Variants in RSPO2 observed in about 807,000 individuals in gnomAD.
The protein encoded by RSPO2 is R-spondin 2, also known as R-spondin-2.
Under a neutral mutation model 30.9 loss-of-function variants are expected in RSPO2, and 14 were observed. The observed-to-expected ratio is 0.45, with a 90% CI of 0.30 to 0.71. The LOEUF is 0.71. Among genes scored for constraint, RSPO2 ranks in the 30% least tolerant of loss-of-function variants. The pLI is 0.08. For synonymous variants in RSPO2, 107 were observed against 96.4 expected (o/e 1.11, Z -0.64); for missense variants, 264 against 301.9 (o/e 0.87, Z 0.93).
chr8:107,963,065 C>T (rs910283816), intron 3 of RSPO2, among the ~76,000 whole-genome samples: 5 of 151,996 alleles, frequency 3.3e-5, no homozygotes, highest in East Asian at 3.9e-4. Flanking sequence ...TCTGTAAAGT[C>T]CCTGAGGACT....
intron 3 of RSPO2, chr8:107,983,327 T>A (rs1411280427): frequency 1.9e-5 from 31 of 1,609,326 alleles, no homozygotes; most frequent in Middle Eastern, 2.3e-4. Flanking sequence ...CTCCTCCTCA[T>A]CCAAGAGAGA....
chr8:107,927,951 G>A (rs1298983662), intron 5 of RSPO2, among the ~76,000 whole-genome samples: 1 of 151,984 alleles, frequency 6.6e-6, no homozygotes, highest in Non-Finnish European at 1.5e-5. Flanking sequence ...TACACCAATG[G>A]TAACTAGCAA....
At chr8:107,974,783 A>T (rs1044682572) in intron 3 of RSPO2, among the ~76,000 whole-genome samples, 1 of 152,136 alleles carries the variant, frequency 6.6e-6, no homozygotes, top group African/African-American at 2.4e-5. Flanking sequence ...TATAATTTTT[A>T]ATTAGTTTAA....
At position 108,029,478 on chromosome 8, in the gene RSPO2, C is replaced by T. The variant is rs1318939254; in HGVS notation, c.95-40234G>A. Among the ~76,000 whole-genome samples the T allele has an allele frequency of 2.0e-5, 3 of 152,024 alleles. No homozygotes were observed. The East Asian group carries it at 5.8e-4, about 29-fold the overall frequency. On this transcript the variant is annotated intron_variant, in intron 2 of 5. Transcript: ENST00000276659. ...GTAAATTCCTGTAGGCATACAAAAT[C>T]AACAGCTAAGATGTGCTCTACTCAT...
intron 2 of RSPO2, among the ~76,000 whole-genome samples, chr8:108,060,229 C>A (rs540112090): frequency 6.0e-4 from 91 of 151,844 alleles, no homozygotes; most frequent in African/African-American, 2.1e-3. Context: ...GACGATCAAA[C>A]TTCTCCAAGC....
In RSPO2 at chr8:108,052,646, C is replaced by T. The variant is rs569584042; in HGVS notation, c.94+29899G>A. On this transcript the variant is annotated intron_variant, in intron 2 of 5. Coordinates refer to ENST00000276659, the MANE Select transcript of RSPO2 (RefSeq NM_178565.5). ...AACTAGCAGCAGCTAATGGTCACCG[C>T]ACACTTGCCATGTTCCAAGGGCTCG... 2.4e-4 allele frequency among the ~76,000 whole-genome samples: 37 copies of T among 152,250 alleles called. 1 individual carries two copies. The Middle Eastern group carries it at 0.01, about 42-fold the overall frequency.
At chr8:107,977,364 T>A (rs1306258676) in intron 3 of RSPO2, among the ~76,000 whole-genome samples, 1 of 152,184 alleles carries the variant, frequency 6.6e-6, no homozygotes, top group Non-Finnish European at 1.5e-5. Context: ...CCATCTCAGA[T>A]CTACTGAATC....
At chr8:107,917,337 T>C (rs993074205) in intron 5 of RSPO2, among the ~76,000 whole-genome samples, 9 of 151,898 alleles carry the variant, frequency 5.9e-5, no homozygotes, top group Non-Finnish European at 1.2e-4. Flanking sequence ...ATACAAAAAT[T>C]AGCCGAGCAT....
At chr8:108,069,053 A>T (rs1245037226) in intron 2 of RSPO2, among the ~76,000 whole-genome samples, 1 of 152,250 alleles carries the variant, frequency 6.6e-6, no homozygotes. Context: ...CATCTGGTTT[A>T]TTCTTGAATC....
chr8:107,904,094 T>A (rs1178426595), intron 5 of RSPO2, among the ~76,000 whole-genome samples: 1 of 152,088 alleles, frequency 6.6e-6, no homozygotes, highest in Non-Finnish European at 1.5e-5. Flanking sequence ...ATCTATATAT[T>A]TGAAAATAAG....
chr8:108,028,926 A>AT (rs1811313711), intron 2 of RSPO2, among the ~76,000 whole-genome samples: 1 of 149,386 alleles, frequency 6.7e-6, no homozygotes, highest in Admixed American at 6.7e-5. Context: ...GGTACCAAAC[A>AT]TTCATAACTG....
intron 3 of RSPO2, among the ~76,000 whole-genome samples, chr8:107,968,989 C>G (rs1305320397): frequency 6.6e-6 from 1 of 152,088 alleles, no homozygotes; most frequent in Non-Finnish European, 1.5e-5. Flanking sequence ...TGATCACAAT[C>G]ATTTGTTGGG....
At chr8:108,078,528 T>TA (rs35764280) in intron 2 of RSPO2, among the ~76,000 whole-genome samples, 2,190 of 150,886 alleles carry the variant, frequency 0.015, 43 homozygotes, top group African/African-American at 0.049. Context: ...AAAGTATTTG[T>TA]AAAAAAAAAA....
chr8:107,943,932 G>T (rs1298887610), intron 5 of RSPO2, among the ~76,000 whole-genome samples: 1 of 152,076 alleles, frequency 6.6e-6, no homozygotes, highest in Admixed American at 6.6e-5. Context: ...AGGGAGAGGG[G>T]GACGGGAGCT....
chr8:108,041,067 A>G (rs1027054046), intron 2 of RSPO2, among the ~76,000 whole-genome samples: 3 of 152,118 alleles, frequency 2.0e-5, no homozygotes, highest in African/African-American at 7.2e-5. Flanking sequence ...TGAGCTTTCC[A>G]GCATCAAAGG....
At chr8:107,995,393 T>C (rs1405101675) in intron 2 of RSPO2, among the ~76,000 whole-genome samples, 3 of 152,158 alleles carry the variant, frequency 2.0e-5, no homozygotes, top group Non-Finnish European at 2.9e-5. Flanking sequence ...TATGCATGTA[T>C]ACATTATATA....
chr8:108,011,192 GGGAAAA>G (rs1330858137), intron 2 of RSPO2, among the ~76,000 whole-genome samples: 31 of 145,834 alleles, frequency 2.1e-4, no homozygotes, highest in African/African-American at 7.1e-4. Context: ...GAAAAGGAAA[GGGAAAA>G]GGAAAAGGAA....
chr8:108,068,151 A>G (rs926338197), intron 2 of RSPO2, among the ~76,000 whole-genome samples: 1 of 152,216 alleles, frequency 6.6e-6, no homozygotes, highest in African/African-American at 2.4e-5. Context: ...AAGTTGATGT[A>G]CAGATTTGTT....
rs200057504 is a variant in RSPO2, at chr8:107,920,418, C to CA, written c.617-19229dup. On this transcript the variant is annotated intron_variant, in intron 5 of 5. Coordinates refer to ENST00000276659, the MANE Select transcript of RSPO2 (RefSeq NM_178565.5). ...CAAAAGGTTTCTATAATGCCAACTC[C>CA]AAAAAAACTAAATCATAAGGAGCTT... Among the ~76,000 whole-genome samples the CA allele has an allele frequency of 6.8e-3, 1,037 of 152,006 alleles. 7 individuals carry two copies. The highest frequency in any genetic ancestry group is 0.024 in the African/African-American group (978 of 41,458).
Sources: gnomAD v4.1 joint callset for allele counts (sites outside exome capture counted in the v4.1 genomes callset) on GRCh38, gnomAD v4.1.1 for gene constraint, MANE v1.5 for transcripts, NCBI Gene and HGNC (gene_info 2026-07-23, HGNC 2026-07-21) for gene names.